The following ZBTB7C variants were observed in gnomAD, a reference collection of about 807,000 sequenced individuals.
ZBTB7C encodes the protein zinc finger and BTB domain-containing protein 7C.
Under a neutral mutation model 25.7 loss-of-function variants are expected in ZBTB7C, and 8 were observed. The ratio of observed to expected loss-of-function variants is 0.31; its 90% CI spans 0.18 to 0.56. ZBTB7C has a LOEUF of 0.56. ZBTB7C is among the 20% of genes least tolerant of loss of function. The pLI is 0.91. For missense variants in ZBTB7C, 824 were observed against 855.2 expected, an observed-to-expected ratio of 0.96 and a Z score of 0.46; for synonymous variants, 394 against 369.0, an observed-to-expected ratio of 1.07 and a Z score of -0.78.
At chr18:48,064,181 C>G (rs929597722) in intron 3 of ZBTB7C, among the ~76,000 whole-genome samples, 3 of 152,230 alleles carry the variant, frequency 2.0e-5, no homozygotes, top group African/African-American at 7.2e-5. Flanking sequence ...CAAAGTATAT[C>G]TCTTCCACCA....
chr18:48,400,109 T>C (rs948617770), intron 1 of ZBTB7C, among the ~76,000 whole-genome samples: 7 of 152,208 alleles, frequency 4.6e-5, no homozygotes, highest in Non-Finnish European at 1.0e-4. Context: ...TAACAATTAA[T>C]GCCCCTGCCC....
At chr18:48,105,843 G>A (rs1415156529) in intron 3 of ZBTB7C, among the ~76,000 whole-genome samples, 1 of 152,174 alleles carries the variant, frequency 6.6e-6, no homozygotes, top group Admixed American at 6.5e-5. Context: ...CGCAATACCT[G>A]GCTCCAGCAT....
intron 1 of ZBTB7C, among the ~76,000 whole-genome samples, chr18:48,373,523 C>T (rs2047438104): frequency 1.3e-5 from 2 of 152,072 alleles, no homozygotes; most frequent in Admixed American, 6.5e-5. Context: ...GCCCAAATCT[C>T]ATGTTGAATT....
chr18:48,225,874 C>T (rs1387735000), intron 2 of ZBTB7C, among the ~76,000 whole-genome samples: 2 of 152,284 alleles, frequency 1.3e-5, no homozygotes, highest in East Asian at 1.9e-4. Flanking sequence ...TCCCGAGTAG[C>T]TGGGACTACA....
rs1278631619 is a variant in ZBTB7C, at chr18:48,040,574, A to T, written c.534T>A (p.Pro178=). ...TEDFADQENL[P]DPQDISCHQS... ...GGTGGCAGCTGATGTCCTGGGGGTCAGGCAAGTTTTCTTGGTCAGCAAAGT... is the reference window on the plus strand; with the variant it reads ...GGTGGCAGCTGATGTCCTGGGGGTCTGGCAAGTTTTCTTGGTCAGCAAAGT... Residue 178 remains proline, a synonymous_variant, in exon 4 of 5, where the codon CCT becomes CCA. Transcript: ENST00000590800. 1 of 1,614,024 alleles carries T rather than the reference A, an allele frequency of 6.2e-7. No homozygotes were observed. The highest frequency in any genetic ancestry group is 1.3e-5 in the African/African-American group (1 of 75,014).
chr18:48,297,625 C>T (rs1568360875), intron 2 of ZBTB7C, among the ~76,000 whole-genome samples: 1 of 152,194 alleles, frequency 6.6e-6, no homozygotes, highest in Non-Finnish European at 1.5e-5. Flanking sequence ...CAGGGCTTGG[C>T]AGCGCTGCAG....
chr18:48,126,670 A>G (rs2039810851), intron 3 of ZBTB7C, among the ~76,000 whole-genome samples: 1 of 152,290 alleles, frequency 6.6e-6, no homozygotes, highest in Non-Finnish European at 1.5e-5. Context: ...GGTTTCATCA[A>G]TCCCTCTGAG....
At chr18:48,369,782 C>G (rs1028223803) in intron 1 of ZBTB7C, among the ~76,000 whole-genome samples, 3 of 152,108 alleles carry the variant, frequency 2.0e-5, no homozygotes, top group Non-Finnish European at 2.9e-5. Context: ...GAGAAATCCA[C>G]AAATCCACAA....
intron 2 of ZBTB7C, among the ~76,000 whole-genome samples, chr18:48,239,061 G>A (rs548237363): frequency 3.4e-4 from 51 of 152,196 alleles, no homozygotes; most frequent in African/African-American, 9.6e-4. Context: ...TCACTTCCCC[G>A]GTGACCTGTA....
intron 2 of ZBTB7C, among the ~76,000 whole-genome samples, chr18:48,216,787 T>C (rs1008745333): frequency 4.6e-5 from 7 of 152,148 alleles, no homozygotes; most frequent in African/African-American, 1.7e-4. Flanking sequence ...CCACAGCCAC[T>C]AGACCCTCAT....
chr18:48,188,057 C>T (rs2042105721), intron 2 of ZBTB7C, among the ~76,000 whole-genome samples: 1 of 152,144 alleles, frequency 6.6e-6, no homozygotes, highest in South Asian at 2.1e-4. Flanking sequence ...ACAGCATACA[C>T]CTCCACACTG....
At chr18:48,143,420 T>C (rs985381403) in intron 3 of ZBTB7C, among the ~76,000 whole-genome samples, 1 of 152,180 alleles carries the variant, frequency 6.6e-6, no homozygotes, top group African/African-American at 2.4e-5. Context: ...AAAAATGCAC[T>C]AAGAACCTCA....
At chr18:48,230,550 T>G (rs1364124415) in intron 2 of ZBTB7C, among the ~76,000 whole-genome samples, 2 of 152,230 alleles carry the variant, frequency 1.3e-5, no homozygotes, top group East Asian at 3.8e-4. Context: ...GACAGATTTT[T>G]GGCCATAATT....
chr18:48,197,521 TGG>T (rs2042345126), intron 2 of ZBTB7C, among the ~76,000 whole-genome samples: 1 of 152,222 alleles, frequency 6.6e-6, no homozygotes, highest in African/African-American at 2.4e-5. Flanking sequence ...AATGCTGTAT[TGG>T]TCAGCTAGGG....
upstream of ZBTB7C, chr18:48,409,403 G>C (rs1370185385): frequency 1.4e-5 from 2 of 146,932 alleles, no homozygotes; most frequent in Middle Eastern, 3.5e-3. Flanking sequence ...CGGCGGCAGC[G>C]GGCGAGCGGG....
rs973580544 is a variant in ZBTB7C at position 48,040,803 on chromosome 18, C to A, written c.305G>T (p.Gly102Val). ...AYTSTLTITA[G>V]NVKHILNAAR... Reference sequence around the variant, plus strand: ...TGCGTTGAGGATGTGCTTGACATTGCCAGCGGTGATGGTGAGCGTGGAGGT... The same window carrying A: ...TGCGTTGAGGATGTGCTTGACATTGACAGCGGTGATGGTGAGCGTGGAGGT... Residue 102 changes from glycine (G) to valine (V), a missense_variant, in exon 4 of 5, where the codon GGC becomes GTC. Physicochemically the swap from Gly to Val is moderately radical, Grantham distance 109. Transcript: ENST00000590800. 1.9e-6 allele frequency: 3 copies of A among 1,613,966 alleles called. No homozygotes were observed. The highest frequency in any genetic ancestry group is 2.5e-6 in the Non-Finnish European group (3 of 1,179,932).
chr18:48,062,941 C>T (rs751519007), intron 3 of ZBTB7C, among the ~76,000 whole-genome samples: 2 of 152,196 alleles, frequency 1.3e-5, no homozygotes, highest in Admixed American at 6.5e-5. Context: ...CCGCATTTTG[C>T]CTTCACCTGC....
chr18:48,085,176 C>T (rs1037758786), intron 3 of ZBTB7C, among the ~76,000 whole-genome samples: 2 of 151,940 alleles, frequency 1.3e-5, no homozygotes, highest in East Asian at 1.9e-4. Flanking sequence ...GGTAAAAAGG[C>T]GAAGAAGACA....
intron 2 of ZBTB7C, among the ~76,000 whole-genome samples, chr18:48,288,605 G>A (rs973738426): frequency 2.0e-5 from 3 of 150,892 alleles, no homozygotes; most frequent in Admixed American, 6.6e-5. Flanking sequence ...GCAGTGAGCC[G>A]AGATCACACC....
Sources: gnomAD v4.1 joint callset for allele counts (sites outside exome capture counted in the v4.1 genomes callset) on GRCh38, gnomAD v4.1.1 for gene constraint, MANE v1.5 for transcripts, NCBI Gene and HGNC (gene_info 2026-07-23, HGNC 2026-07-21) for gene names.